Variants in NDUFS7 observed in about 807,000 individuals in gnomAD.
NDUFS7 encodes the protein NADH dehydrogenase [ubiquinone] iron-sulfur protein 7, mitochondrial.
In NDUFS7, 11 loss-of-function variants were observed where a neutral mutation model predicts 31.1. The ratio of observed to expected loss-of-function variants is 0.35; its 90% CI spans 0.22 to 0.59. The LOEUF is 0.59. NDUFS7 is among the 20% of genes least tolerant of loss of function. NDUFS7 has a pLI of 0.79. For synonymous variants in NDUFS7, 136 were observed against 127.9 expected, an observed-to-expected ratio of 1.06 and a Z score of -0.43; for missense variants, 263 against 324.2, an observed-to-expected ratio of 0.81 and a Z score of 1.45.
In NDUFS7 at chr19:1,393,862, C is replaced by T. The variant is rs749151979; in HGVS notation, c.544+532C>T. 7 of 254,948 alleles carry T rather than the reference C, an allele frequency of 2.7e-5. No individual in the cohort carries two copies. The highest frequency in any genetic ancestry group is 3.8e-5 in the Non-Finnish European group (5 of 129,970). The allele number at this position is 254,948 out of a possible 1,614,324, so 15.8% of individuals were successfully genotyped here. ...CCCAACAATATTTGGGCTATACTGACACTAAAAAGAGCATTGGCTGCATAC... is the reference window on the plus strand; with the variant it reads ...CCCAACAATATTTGGGCTATACTGATACTAAAAAGAGCATTGGCTGCATAC... On this transcript the variant is annotated intron_variant, in intron 7 of 7. Transcript: ENST00000233627. This position sits in a 1 kb window ranked among gnomAD's most constrained non-coding sequence, Gnocchi z 7.3.
intron 4 of NDUFS7, chr19:1,389,551 G>A (rs1199095254): frequency 1.3e-5 from 6 of 456,240 alleles, no homozygotes; most frequent in Non-Finnish European, 2.7e-5. Context: ...TCTGGCGTCC[G>A]TGTGTTCCTC....
chr19:1,392,667 G>A (rs2082565268), intron 6 of NDUFS7: 1 of 167,868 alleles, frequency 6.0e-6, no homozygotes, highest in Admixed American at 5.5e-5. Flanking sequence ...ATATCCCACT[G>A]TGTGGACATA....
chr19:1,389,068 CAT>C, intron 4 of NDUFS7, 130 bp downstream of exon 4: 1 of 794,402 alleles, frequency 1.3e-6, no homozygotes, highest in Non-Finnish European at 2.1e-6. Flanking sequence ...CACATGCGCA[CAT>C]GTGCATGCAA....
rs1442871986 is a variant in NDUFS7, at chr19:1,393,337, C to A, written c.544+7C>A. 1.9e-6 allele frequency: 3 copies of A among 1,566,184 alleles called. No individual in the cohort carries two copies. The highest frequency in any genetic ancestry group is 8.6e-7 in the Non-Finnish European group (1 of 1,156,744). Reference sequence around the variant, plus strand: ...GTGGACATCTACATCCCAGGTAGGGCCGGGACCGCACCGCCCACGAGGGAG... The same window carrying A: ...GTGGACATCTACATCCCAGGTAGGGACGGGACCGCACCGCCCACGAGGGAG... On this transcript the variant is annotated splice_region_variant and intron_variant, in intron 7 of 7. Transcript: ENST00000233627. The surrounding 1 kb of genome is among the most constrained non-coding windows in gnomAD (Gnocchi z 7.3).
intron 2 of NDUFS7, 48 bp downstream of exon 2, chr19:1,387,895 C>G: frequency 1.9e-6 from 2 of 1,065,542 alleles, no homozygotes; most frequent in Non-Finnish European, 2.7e-6. Context: ...CCTTCAGCAG[C>G]GACAGACGAA....
rs555618227 is a variant in NDUFS7, at chr19:1,389,120, ACACT to A, written c.228+186_228+189del. 590 of 708,190 alleles carry A rather than the reference ACACT, an allele frequency of 8.3e-4. 3 individuals carry two copies. The African/African-American group carries it at 9.4e-3, about 11-fold the overall frequency. 43.9% of individuals were successfully genotyped at this position (708,190 alleles called of 1,614,324 possible). On this transcript the variant is annotated intron_variant, in intron 4 of 7. Coordinates refer to ENST00000233627, the MANE Select transcript of NDUFS7 (RefSeq NM_024407.5). ...ACAGATGTGTACACGGACCACACGCACACTCACGCACACAATGCACATATGCACA... is the reference window on the plus strand; with the variant it reads ...ACAGATGTGTACACGGACCACACGCACACGCACACAATGCACATATGCACA...
Position 1,393,094 on chromosome 19 carries a change from G to A in NDUFS7, c.456-148G>A. The stretch of plus-strand genomic sequence containing the variant: ...ACAGAGGCTCTGGGAGCCTGTGCGT[G>A]TTTGCTCATTGCTTCTCCGTGACAA... On this transcript the variant is annotated intron_variant, in intron 6 of 7. Coordinates refer to ENST00000233627, the MANE Select transcript of NDUFS7 (RefSeq NM_024407.5). This position sits in a 1 kb window ranked among gnomAD's most constrained non-coding sequence, Gnocchi z 7.3. 1.5e-6 allele frequency: 1 copy of A among 671,082 alleles called. No individual in the cohort carries two copies. The highest frequency in any genetic ancestry group is 2.7e-6 in the Non-Finnish European group (1 of 374,790). The allele number at this position is 671,082 out of a possible 1,614,324, so 41.6% of individuals were successfully genotyped here. A position where few individuals can be genotyped will look rare whatever the true frequency, so the allele number is the denominator to read the frequency against.
intron 4 of NDUFS7, chr19:1,390,068 G>T (rs1201473816): frequency 6.4e-6 from 1 of 155,156 alleles, no homozygotes. Context: ...CTAATTTTTT[G>T]TATTTTTATT....
rs2082521909 is a variant in NDUFS7, at chr19:1,388,090, G to A, written c.53+243G>A. 14 of 614,346 alleles carry A rather than the reference G, an allele frequency of 2.3e-5. 1 individual carries two copies. The highest frequency in any genetic ancestry group is 1.7e-4 in the South Asian group (9 of 53,206). 38.1% of individuals were successfully genotyped at this position (614,346 alleles called of 1,614,324 possible). A position where few individuals can be genotyped will look rare whatever the true frequency, so the allele number is the denominator to read the frequency against. ...AACCCTGTGGGCCCGGCTCAGTGCC[G>A]TCAGAGCTCACCGCCACCTGGGGTG... On this transcript the variant is annotated intron_variant, in intron 2 of 7. Transcript: ENST00000233627.
At chr19:1,390,839 G>A (rs755957922) in intron 4 of NDUFS7, 32 bp from the exon 5 acceptor site, 2 of 1,601,102 alleles carry the variant, frequency 1.2e-6, no homozygotes, top group South Asian at 2.2e-5. Context: ...GGGCTCCGGG[G>A]GTGGCGTCTG....
chr19:1,389,127 C>T (rs765451057), intron 4 of NDUFS7, 189 bp downstream of exon 4: 24 of 707,432 alleles, frequency 3.4e-5, no homozygotes, highest in South Asian at 1.0e-4. Flanking sequence ...CGCACACTCA[C>T]GCACACAATG....
At chr19:1,391,477 GT>G (rs956381725) in intron 6 of NDUFS7, among the ~76,000 whole-genome samples, 3 of 137,978 alleles carry the variant, frequency 2.2e-5, no homozygotes, top group African/African-American at 8.2e-5. Flanking sequence ...CTTGCCATTA[GT>G]TTTTTTTCTT....
At chr19:1,388,686 A>G in intron 3 of NDUFS7, 93 bp downstream of exon 3, 1 of 1,462,864 alleles carries the variant, frequency 6.8e-7, no homozygotes, top group African/African-American at 1.4e-5. Context: ...ACTGAGGTGC[A>G]TGGATGGGGC....
At position 1,391,036 on chromosome 19, in the gene NDUFS7, C is replaced by G. The variant is rs775113729; in HGVS notation, c.394C>G (p.Pro132Ala). 3 of 1,613,454 alleles carry G rather than the reference C, an allele frequency of 1.9e-6. No individual in the cohort carries two copies. The East Asian group carries it at 6.7e-5, about 36-fold the overall frequency. Residue 132 changes from proline (P) to alanine (A), a missense_variant, in exon 5 of 8, where the codon CCA becomes GCA. Coordinates refer to ENST00000233627, the MANE Select transcript of NDUFS7 (RefSeq NM_024407.5). ...CGGCACACTCACCAACAAGATGGCC[C>G]CAGCGCTTCGCAAGGTAGGCCTCGT... ...VAGTLTNKMA[P>A]ALRKVYDQMP...
At chr19:1,383,974 C>T (rs766632492) in intron 1 of NDUFS7, 32 bp downstream of exon 1, 3 of 1,554,752 alleles carry the variant, frequency 1.9e-6, no homozygotes, top group Non-Finnish European at 1.7e-6. Context: ...GGTGTGGGGC[C>T]GCGCGGGTCT....
intron 4 of NDUFS7, chr19:1,389,853 C>A (rs184440888): frequency 7.3e-5 from 21 of 288,574 alleles, no homozygotes; most frequent in African/African-American, 4.4e-4. Flanking sequence ...CCGCAGTGGT[C>A]GAGACAAGGA....
chr19:1,383,965 G>T (rs2082490784), intron 1 of NDUFS7, 23 bp downstream of exon 1: 1 of 1,560,398 alleles, frequency 6.4e-7, no homozygotes. Context: ...CCGGCGGCGG[G>T]TGTGGGGCCG....
intron 2 of NDUFS7, 120 bp downstream of exon 2, chr19:1,387,967 G>A: frequency 1.1e-6 from 1 of 894,532 alleles, no homozygotes. Flanking sequence ...TCATGTTAGG[G>A]ACAGGATGCA....
chr19:1,395,505 G>C lies in NDUFS7; in HGVS notation c.*17G>C, dbSNP rs778935099. ...CGCAGGTAGCGCCGCCGCCGCCGCC[G>C]CCGGAGCCTGTCGCCGTCCTGTCCC... On this transcript the variant is annotated 3_prime_UTR_variant, in exon 8 of 8. Coordinates refer to ENST00000233627, the MANE Select transcript of NDUFS7 (RefSeq NM_024407.5). The C allele has an allele frequency of 6.4e-7, 1 of 1,561,806 alleles. No individual in the cohort carries two copies. The highest frequency in any genetic ancestry group is 1.2e-5 in the South Asian group (1 of 84,790).
Sources: allele counts gnomAD v4.1 joint callset (sites outside exome capture counted in the v4.1 genomes callset), GRCh38; gene constraint gnomAD v4.1.1; non-coding constraint Gnocchi (gnomAD v3.1); transcripts MANE v1.5; gene names NCBI Gene and HGNC (gene_info 2026-07-23, HGNC 2026-07-21).